The following THSD7A variants were observed in gnomAD, a reference collection of about 807,000 sequenced individuals.
THSD7A encodes thrombospondin type 1 domain containing 7A.
A neutral mutation model predicts 231.3 loss-of-function variants in THSD7A; 96 were observed. The ratio of observed to expected loss-of-function variants is 0.41; its 90% CI spans 0.35 to 0.49. The LOEUF is 0.49. THSD7A is among the 20% of genes least tolerant of loss of function. The probability of loss-of-function intolerance (pLI) is 0.05; values close to 1 mark genes in which losing one functional copy is unlikely to be tolerated. For synonymous variants in THSD7A, 940 were observed against 743.3 expected, an observed-to-expected ratio of 1.26 and a Z score of -4.30; for missense variants, 2,290 against 2,070.2, an observed-to-expected ratio of 1.11 and a Z score of -2.06.
At chr7:11,523,545 A>C (rs1433927426) in intron 6 of THSD7A, among the ~76,000 whole-genome samples, 4 of 152,116 alleles carry the variant, frequency 2.6e-5, no homozygotes, top group African/African-American at 4.8e-5. Context: ...ACAAAAAATT[A>C]CAAAAAACAG....
chr7:11,737,860 G>A (rs1781970167), intron 1 of THSD7A, among the ~76,000 whole-genome samples: 1 of 151,884 alleles, frequency 6.6e-6, no homozygotes, highest in South Asian at 2.1e-4. Flanking sequence ...ACTAATTAGG[G>A]CAGCCAGTAT....
chr7:11,455,723 A>G (rs1785286914), intron 11 of THSD7A, among the ~76,000 whole-genome samples: 1 of 152,026 alleles, frequency 6.6e-6, no homozygotes, highest in Non-Finnish European at 1.5e-5. Flanking sequence ...GACTCTACCT[A>G]TATTCTTATT....
chr7:11,831,835 G>T lies in THSD7A; in HGVS notation c.112C>A (p.Leu38Met). The change falls in exon 1 of 28, where the codon CTG (leucine) becomes ATG (methionine). Residue 38 changes from leucine (L) to methionine (M), a missense_variant. Leu to Met is a conservative substitution (Grantham distance 15, BLOSUM62 2). Coordinates refer to ENST00000423059, the MANE Select transcript of THSD7A (RefSeq NM_015204.3). This position sits in a 1 kb window ranked among gnomAD's most constrained non-coding sequence, Gnocchi z 5.0. ...LPLPLPLLLLLLLRPGAGRAA... is the reference protein window; with the variant it reads ...LPLPLPLLLLMLLRPGAGRAA... ...CTGCCGGCGCCCGGGCGTAGCAGCA[G>T]CAGCAGGAGCAGCGGCAGCGGCAGC... The T allele has an allele frequency of 7.1e-7, 1 of 1,403,772 alleles. No homozygotes were observed. The allele number at this position is 1,403,772 out of a possible 1,614,324, so 87.0% of individuals were successfully genotyped here.
chr7:11,387,171 T>G lies in THSD7A; in HGVS notation c.4412-4555A>C, dbSNP rs540105309. ...ATGCCTCCAGCTTTGTTCTTTTTGC[T>G]TAGGATTGTCTTGGCTATGCGGGCT... is the stretch of plus-strand genomic sequence containing the variant. On this transcript the variant is annotated intron_variant, in intron 23 of 27. Transcript: ENST00000423059. Among the ~76,000 whole-genome samples the G allele has an allele frequency of 2.4e-3, 369 of 152,294 alleles. 4 individuals are homozygous for G. Among genetic ancestry groups the G allele is most frequent in the Middle Eastern group, 6.8e-3 (2 of 294 alleles).
chr7:11,397,487 G>A (rs917775355), intron 23 of THSD7A, among the ~76,000 whole-genome samples: 2 of 152,178 alleles, frequency 1.3e-5, no homozygotes, highest in Non-Finnish European at 2.9e-5. Flanking sequence ...ATACTATTCA[G>A]GACATAGGCA....
intron 1 of THSD7A, among the ~76,000 whole-genome samples, chr7:11,765,297 T>C (rs1782997519): frequency 1.3e-5 from 2 of 152,234 alleles, no homozygotes; most frequent in South Asian, 4.1e-4. Context: ...TATCTTAGGA[T>C]ACTTTCTCAT....
chr7:11,820,115 C>T (rs185085690), intron 1 of THSD7A, among the ~76,000 whole-genome samples: 67 of 152,266 alleles, frequency 4.4e-4, no homozygotes, highest in African/African-American at 1.4e-3. Flanking sequence ...TGGGCCTGAC[C>T]CCCGGGCTCC....
At chr7:11,723,328 G>C (rs1336353800) in intron 1 of THSD7A, among the ~76,000 whole-genome samples, 2 of 146,884 alleles carry the variant, frequency 1.4e-5, no homozygotes, top group Non-Finnish European at 1.5e-5. Context: ...CCTGTTGTGG[G>C]GTAGGGGGAG....
rs559880270 is a variant in THSD7A at position 11,642,097 on chromosome 7, A to C, written c.191-5136T>G. Among the ~76,000 whole-genome samples, 13 of 152,312 alleles carry C rather than the reference A, an allele frequency of 8.5e-5. 1 individual carries two copies. The South Asian group carries it at 2.1e-3, about 24-fold the overall frequency. ...AAGGGGTGCAAATGTTTTAAAGTAC[A>C]ATTTGAAAACACAATATGCAAACTC... On this transcript the variant is annotated intron_variant, in intron 1 of 27. Transcript: ENST00000423059.
At chr7:11,711,181 T>G (rs1161090234) in intron 1 of THSD7A, among the ~76,000 whole-genome samples, 1 of 150,968 alleles carries the variant, frequency 6.6e-6, no homozygotes, top group Non-Finnish European at 1.5e-5. Flanking sequence ...TACATTTAGT[T>G]AAACACACAG....
intron 1 of THSD7A, among the ~76,000 whole-genome samples, chr7:11,698,519 C>G (rs1025010407): frequency 1.3e-5 from 2 of 151,310 alleles, no homozygotes; most frequent in African/African-American, 4.8e-5. Context: ...TTGCAAGTAG[C>G]CAGGCAACTT....
In THSD7A at chr7:11,377,207, A is replaced by G. The variant is rs890073778; in HGVS notation, c.4802-550T>C. 9.2e-5 allele frequency: 14 copies of G among 152,070 alleles called. No individual in the cohort carries two copies. Among genetic ancestry groups the G allele is most frequent in the African/African-American group, 2.4e-4 (10 of 41,446 alleles). 9.4% of individuals were successfully genotyped at this position (152,070 alleles called of 1,614,324 possible). The stretch of plus-strand genomic sequence containing the variant: ...ACAATGTGTTTTAAAATTGGCTGAC[A>G]ATGTCATTTTCAAAAACAACTGGTT... On this transcript the variant is annotated intron_variant, in intron 26 of 27. Transcript: ENST00000423059. This position sits in a 1 kb window ranked among gnomAD's most constrained non-coding sequence, Gnocchi z 4.5.
At chr7:11,580,532 AC>A (rs1562739879) in intron 4 of THSD7A, among the ~76,000 whole-genome samples, 1 of 152,148 alleles carries the variant, frequency 6.6e-6, no homozygotes, top group Non-Finnish European at 1.5e-5. Flanking sequence ...TTAAAAAATC[AC>A]CAGAAAATAC....
chr7:11,373,073 G>C lies in THSD7A; in HGVS notation c.*2721C>G, dbSNP rs1562554414. The C allele has an allele frequency of 2.2e-5, 3 of 137,340 alleles. No homozygotes were observed. The East Asian group carries it at 5.9e-4, about 27-fold the overall frequency. 8.5% of individuals were successfully genotyped at this position (137,340 alleles called of 1,614,324 possible). ...CATATATATGGGTGTGTGTGTGTGT[G>C]TGTGTATATATATATATGCATGCAT... is the stretch of plus-strand genomic sequence containing the variant. On this transcript the variant is annotated 3_prime_UTR_variant, in exon 28 of 28. Coordinates refer to ENST00000423059, the MANE Select transcript of THSD7A (RefSeq NM_015204.3).
chr7:11,670,230 C>T (rs1783325572), intron 1 of THSD7A, among the ~76,000 whole-genome samples: 1 of 152,114 alleles, frequency 6.6e-6, no homozygotes, highest in Non-Finnish European at 1.5e-5. Flanking sequence ...CCTAGTTTTA[C>T]ACCAGATTCT....
intron 1 of THSD7A, among the ~76,000 whole-genome samples, chr7:11,718,410 T>C (rs1320768858): frequency 6.6e-6 from 1 of 151,686 alleles, no homozygotes; most frequent in Non-Finnish European, 1.5e-5. Context: ...TATTATCAGA[T>C]GTGTCACAGG....
At chr7:11,413,316 G>C (rs913423320) in intron 17 of THSD7A, among the ~76,000 whole-genome samples, 1 of 150,976 alleles carries the variant, frequency 6.6e-6, no homozygotes, top group Admixed American at 6.6e-5. Context: ...AAAGTTCTAA[G>C]ACCTGCAACT....
At chr7:11,556,146 C>A (rs1789834171) in intron 4 of THSD7A, among the ~76,000 whole-genome samples, 1 of 151,014 alleles carries the variant, frequency 6.6e-6, no homozygotes, top group Non-Finnish European at 1.5e-5. Context: ...TTTCATTTTC[C>A]CTGTCTTCCT....
At chr7:11,719,684 A>G (rs908090210) in intron 1 of THSD7A, among the ~76,000 whole-genome samples, 1 of 151,484 alleles carries the variant, frequency 6.6e-6, no homozygotes, top group Admixed American at 6.6e-5. Flanking sequence ...AACCAGGTCT[A>G]CTCCACATTT....
Sources: gnomAD v4.1 joint callset for allele counts (sites outside exome capture counted in the v4.1 genomes callset) on GRCh38, gnomAD v4.1.1 for gene constraint, Gnocchi (gnomAD v3.1) non-coding constraint, MANE v1.5 for transcripts, NCBI Gene and HGNC (gene_info 2026-07-23, HGNC 2026-07-21) for gene names.